Variants in EIPR1 observed in about 807,000 individuals in gnomAD.
EIPR1 encodes EARP complex and GARP complex interacting protein 1, also known as EARP and GARP complex-interacting protein 1.
A neutral mutation model predicts 48.1 loss-of-function variants in EIPR1; 25 were observed. The observed-to-expected ratio is 0.52, with a 90% CI of 0.38 to 0.73. EIPR1 has a LOEUF of 0.73. Ranked by LOEUF, EIPR1 falls within the 30% of genes least tolerant of loss-of-function variation. EIPR1 has a pLI of 0.00. For synonymous variants in EIPR1, 204 were observed against 201.9 expected, an observed-to-expected ratio of 1.01 and a Z score of -0.09; for missense variants, 415 against 506.2, an observed-to-expected ratio of 0.82 and a Z score of 1.73.
At chr2:3,232,406 G>T (rs1666270957) in intron 4 of EIPR1, among the ~76,000 whole-genome samples, 1 of 152,034 alleles carries the variant, frequency 6.6e-6, no homozygotes, top group Non-Finnish European at 1.5e-5. Context: ...GATTATTTGA[G>T]ATCTTTCTTT....
chr2:3,349,757 A>G (rs13007188), intron 2 of EIPR1, among the ~76,000 whole-genome samples: 122,189 of 151,992 alleles, frequency 0.8, 50,030 homozygotes, highest in Non-Finnish European at 0.88. Context: ...ACAGGGCCAG[A>G]AAGCACACTG....
At chr2:3,344,025 C>T (rs1670330505) in intron 2 of EIPR1, among the ~76,000 whole-genome samples, 2 of 152,102 alleles carry the variant, frequency 1.3e-5, no homozygotes, top group Non-Finnish European at 1.5e-5. Flanking sequence ...GGCAACATGG[C>T]AAGATCCCAT....
rs928761201 is a variant in EIPR1, at chr2:3,189,079, A to T, written c.*255T>A. 7 of 364,390 alleles carry T rather than the reference A, an allele frequency of 1.9e-5. No individual in the cohort carries two copies. The highest frequency in any genetic ancestry group is 2.9e-5 in the Non-Finnish European group (6 of 204,702). 22.6% of individuals were successfully genotyped at this position (364,390 alleles called of 1,614,324 possible). On this transcript the variant is annotated 3_prime_UTR_variant, in exon 9 of 9. Transcript: ENST00000382125. The surrounding 1 kb of genome is among the most constrained non-coding windows in gnomAD (Gnocchi z 4.6). ...GCGAAACTCCTGACACCCTTAAAAC[A>T]GAAAACATTGTTATTCACATAATAA...
chr2:3,369,315 A>G (rs1671050696), intron 1 of EIPR1, among the ~76,000 whole-genome samples: 1 of 152,190 alleles, frequency 6.6e-6, no homozygotes, highest in Non-Finnish European at 1.5e-5. Flanking sequence ...AACGCAGAAG[A>G]CGGGTGATTT....
intron 2 of EIPR1, among the ~76,000 whole-genome samples, chr2:3,340,045 T>C (rs1029587648): frequency 6.6e-6 from 1 of 152,258 alleles, no homozygotes; most frequent in Non-Finnish European, 1.5e-5. Flanking sequence ...TCCGCCATGA[T>C]TGGAAGTTTC....
At chr2:3,331,229 GT>G in intron 3 of EIPR1, among the ~76,000 whole-genome samples, 4 of 77,996 alleles carry the variant, frequency 5.1e-5, no homozygotes, top group African/African-American at 7.3e-5. Flanking sequence ...CTCATGAGAT[GT>G]GTCAGCAGAG....
intron 1 of EIPR1, among the ~76,000 whole-genome samples, chr2:3,366,167 G>A (rs1572489019): frequency 6.6e-6 from 1 of 152,320 alleles, no homozygotes; most frequent in South Asian, 2.1e-4. Flanking sequence ...AATTAGCTGG[G>A]TATGGTGGCA....
chr2:3,287,186 A>ACTCCAGAAAGTTCGTTCACCACG (rs1305129183), intron 3 of EIPR1, among the ~76,000 whole-genome samples: 4 of 151,678 alleles, frequency 2.6e-5, no homozygotes, highest in Non-Finnish European at 5.9e-5. Context: ...CGTCCACCAC[A>ACTCCAGAAAGTTCGTTCACCACG]CTCCAGAAAG....
chr2:3,281,335 T>C (rs754893682), intron 3 of EIPR1, among the ~76,000 whole-genome samples: 11 of 152,136 alleles, frequency 7.2e-5, no homozygotes, highest in Non-Finnish European at 1.5e-4. Flanking sequence ...GCGTGCACAT[T>C]TCCTGAGAAC....
At chr2:3,295,525 CGT>C (rs1215804580) in intron 3 of EIPR1, among the ~76,000 whole-genome samples, 1 of 109,224 alleles carries the variant, frequency 9.2e-6, no homozygotes, top group Non-Finnish European at 1.9e-5. Flanking sequence ...TCCAGCCCAT[CGT>C]CTCTCCACAC....
At chr2:3,290,415 G>A (rs1196708515) in intron 3 of EIPR1, among the ~76,000 whole-genome samples, 2 of 152,230 alleles carry the variant, frequency 1.3e-5, no homozygotes, top group Admixed American at 1.3e-4. Context: ...AGCGGGTTGG[G>A]TGAGGAAGGG....
chr2:3,240,561 C>T (rs1197002849), intron 4 of EIPR1, among the ~76,000 whole-genome samples: 8 of 141,796 alleles, frequency 5.6e-5, no homozygotes, highest in Non-Finnish European at 9.2e-5. Context: ...CCAGTAGATC[C>T]CTCCTAAAGC....
At chr2:3,200,975 A>T (rs1384025229) in intron 5 of EIPR1, among the ~76,000 whole-genome samples, 4 of 152,168 alleles carry the variant, frequency 2.6e-5, no homozygotes, top group Non-Finnish European at 4.4e-5. Flanking sequence ...CATGTGCAGC[A>T]GCTCGGACGC....
chr2:3,364,670 A>C (rs1670933211), intron 1 of EIPR1, among the ~76,000 whole-genome samples: 1 of 152,102 alleles, frequency 6.6e-6, no homozygotes, highest in African/African-American at 2.4e-5. Flanking sequence ...AAAAAGAATG[A>C]AATCTTGTCA....
intron 3 of EIPR1, among the ~76,000 whole-genome samples, chr2:3,291,476 G>C (rs75004595): frequency 6.6e-6 from 1 of 152,200 alleles, no homozygotes; most frequent in Non-Finnish European, 1.5e-5. Flanking sequence ...TAAGAGAGAT[G>C]GTTAGTTGTT....
chr2:3,300,604 G>A (rs1462428415), intron 3 of EIPR1, among the ~76,000 whole-genome samples: 2 of 151,790 alleles, frequency 1.3e-5, no homozygotes, highest in South Asian at 2.1e-4. Flanking sequence ...GGGCTTTCGC[G>A]CTAATACCCT....
At chr2:3,226,862 G>A (rs1666081298) in intron 4 of EIPR1, among the ~76,000 whole-genome samples, 1 of 152,170 alleles carries the variant, frequency 6.6e-6, no homozygotes, top group African/African-American at 2.4e-5. Flanking sequence ...TTTATAAAGG[G>A]CAGTTCCCCT....
chr2:3,293,301 TCAGTGG>T (rs1668424566), intron 3 of EIPR1, among the ~76,000 whole-genome samples: 2 of 152,224 alleles, frequency 1.3e-5, no homozygotes, highest in South Asian at 4.2e-4. Context: ...CTTTACTGGG[TCAGTGG>T]CTCCTCCAGG....
chr2:3,272,790 A>G (rs534573328), intron 3 of EIPR1, among the ~76,000 whole-genome samples: 1 of 152,254 alleles, frequency 6.6e-6, no homozygotes, highest in Non-Finnish European at 1.5e-5. Context: ...AAAATGGGCC[A>G]ATAGATTTGA....
Sources: gnomAD v4.1 joint callset for allele counts (sites outside exome capture counted in the v4.1 genomes callset) on GRCh38, gnomAD v4.1.1 for gene constraint, Gnocchi (gnomAD v3.1) non-coding constraint, MANE v1.5 for transcripts, NCBI Gene and HGNC (gene_info 2026-07-23, HGNC 2026-07-21) for gene names.